Variants in CACNA1C observed in about 807,000 individuals in gnomAD.
The protein encoded by CACNA1C is voltage-dependent L-type calcium channel subunit alpha-1C.
A neutral mutation model predicts 229.0 loss-of-function variants in CACNA1C; 30 were observed. The observed-to-expected ratio is 0.13, with a 90% CI of 0.10 to 0.18. CACNA1C has a LOEUF of 0.18. CACNA1C is among the 10% of genes least tolerant of loss of function. The pLI, the probability that CACNA1C is intolerant of heterozygous loss-of-function variation, is 1.00. For synonymous variants in CACNA1C, 1,114 were observed against 1,132.5 expected, an observed-to-expected ratio of 0.98 and a Z score of 0.33; for missense variants, 1,658 against 2,845.0, an observed-to-expected ratio of 0.58 and a Z score of 9.49.
intron 3 of CACNA1C, among the ~76,000 whole-genome samples, chr12:2,412,524 G>A (rs189493689): frequency 6.6e-6 from 1 of 152,370 alleles, no homozygotes; most frequent in Admixed American, 6.5e-5. Flanking sequence ...GGCTCACACT[G>A]TATGCTTTGC....
intron 1 of CACNA1C, among the ~76,000 whole-genome samples, chr12:2,040,377 A>G (rs2049879775): frequency 6.6e-6 from 1 of 152,096 alleles, no homozygotes; most frequent in Non-Finnish European, 1.5e-5. Context: ...TGATCTAACT[A>G]CCTCCCCTAT....
chr12:1,990,651 T>G (rs150501551), intron 1 of CACNA1C, among the ~76,000 whole-genome samples: 1 of 152,092 alleles, frequency 6.6e-6, no homozygotes, highest in East Asian at 1.9e-4. Context: ...CATAAGCCAA[T>G]GTGAAATGCA....
chr12:2,091,541 T>C (rs1437069451), intron 1 of CACNA1C, among the ~76,000 whole-genome samples: 1 of 152,178 alleles, frequency 6.6e-6, no homozygotes. Context: ...AAGAGAACAA[T>C]GTAGCATCTT....
intron 34 of CACNA1C, among the ~76,000 whole-genome samples, chr12:2,663,948 G>GCC (rs543620869): frequency 6.6e-6 from 1 of 151,668 alleles, no homozygotes; most frequent in Non-Finnish European, 1.5e-5. Context: ...CACCATGTTA[G>GCC]CCAGGATGGT....
At chr12:2,070,744 G>A (rs1159006764) in intron 1 of CACNA1C, among the ~76,000 whole-genome samples, 1 of 152,146 alleles carries the variant, frequency 6.6e-6, no homozygotes, top group Non-Finnish European at 1.5e-5. Context: ...ATATATTGCT[G>A]GGAGTTGGTG....
chr12:2,004,510 C>A, intron 1 of CACNA1C: 1 of 1,512,778 alleles, frequency 6.6e-7, no homozygotes, highest in South Asian at 1.3e-5. Flanking sequence ...AGCTGCCTCG[C>A]AACCGAGAAC....
At chr12:2,146,792 A>G (rs1313586256) in intron 3 of CACNA1C, among the ~76,000 whole-genome samples, 1 of 151,074 alleles carries the variant, frequency 6.6e-6, no homozygotes, top group Non-Finnish European at 1.5e-5. Flanking sequence ...TTTCTGCAGA[A>G]TGGGTTTGTT....
chr12:2,257,777 T>C (rs1446829540), intron 3 of CACNA1C, among the ~76,000 whole-genome samples: 2 of 152,166 alleles, frequency 1.3e-5, no homozygotes, highest in Non-Finnish European at 2.9e-5. Context: ...CTCTCTAGTC[T>C]TCAGAATGTT....
chr12:2,273,183 G>A (rs1327257534), intron 3 of CACNA1C, among the ~76,000 whole-genome samples: 1 of 152,138 alleles, frequency 6.6e-6, no homozygotes, highest in Non-Finnish European at 1.5e-5. Context: ...TATAACCTAT[G>A]CACATCCTCT....
intron 9 of CACNA1C, among the ~76,000 whole-genome samples, chr12:2,548,199 AACCATCCCTAAGGGCTGGTCTC>A (rs1314316562): frequency 1.3e-5 from 2 of 152,178 alleles, no homozygotes; most frequent in African/African-American, 2.4e-5. Flanking sequence ...TCTGAGCTAA[AACCATCCCTAAGGGCTGGTCTC>A]ACCAGCCCCT....
At chr12:2,044,012 G>A (rs1021196587) in intron 1 of CACNA1C, among the ~76,000 whole-genome samples, 10 of 152,156 alleles carry the variant, frequency 6.6e-5, no homozygotes, top group Non-Finnish European at 1.0e-4. Flanking sequence ...GGTGGCATTG[G>A]TCAATTGGTC....
rs372495864 is a variant in CACNA1C at position 2,605,100 on chromosome 12, G to A, written c.2980G>A (p.Val994Met). Residue 994 changes from valine (V) to methionine (M), a missense_variant, in exon 23 of 47, where the codon GTG becomes ATG. Physicochemically the swap from Val to Met is conservative, Grantham distance 21. Transcript: ENST00000399655. The surrounding 1 kb of genome is among the most constrained non-coding windows in gnomAD (Gnocchi z 6.2). ...TCCCAGGTCCAGTGCAATCAATGTC[G>A]TGAAGATCTTGCGAGTCCTGCGAGT... ...FGIQSSAINV[V>M]KILRVLRVLR... is the part of the protein sequence containing the mutation. 4 of 1,613,618 alleles carry A rather than the reference G, an allele frequency of 2.5e-6. No individual in the cohort carries two copies. Among genetic ancestry groups the A allele is most frequent in the Admixed American group, 1.7e-5 (1 of 60,008 alleles).
At chr12:2,582,355 G>A (rs1189140636) in intron 14 of CACNA1C, among the ~76,000 whole-genome samples, 1 of 152,150 alleles carries the variant, frequency 6.6e-6, no homozygotes, top group African/African-American at 2.4e-5. Flanking sequence ...ACTCAAAGTG[G>A]CATCTATTTA....
In CACNA1C at chr12:2,369,545, C is replaced by T. The variant is rs139755686; in HGVS notation, c.478-79431C>T. Among the ~76,000 whole-genome samples the T allele has an allele frequency of 1.9e-3, 291 of 152,078 alleles. 2 individuals are homozygous for T. Among genetic ancestry groups the T allele is most frequent in the African/African-American group, 6.8e-3 (284 of 41,470 alleles). On this transcript the variant is annotated intron_variant, in intron 3 of 46. Transcript: ENST00000399655. ...TTCCGAGTTGCTGGGATTACAGGCACATGCCACTGCAACCAGCTAATTTTT... is the reference window on the plus strand; with the variant it reads ...TTCCGAGTTGCTGGGATTACAGGCATATGCCACTGCAACCAGCTAATTTTT...
intron 3 of CACNA1C, among the ~76,000 whole-genome samples, chr12:2,397,433 C>A (rs2098603362): frequency 6.6e-6 from 1 of 152,208 alleles, no homozygotes; most frequent in Non-Finnish European, 1.5e-5. Context: ...TATTCAGAGC[C>A]CCCAGGAGCT....
chr12:2,663,824 CT>C (rs2095905722), intron 34 of CACNA1C, among the ~76,000 whole-genome samples: 1 of 141,558 alleles, frequency 7.1e-6, no homozygotes, highest in Admixed American at 7.2e-5. Context: ...TCACTGCAAA[CT>C]CCGCCTCCCG....
In CACNA1C at chr12:2,575,609, A is replaced by G. The variant is rs979557788; in HGVS notation, c.1896-5981A>G. 6.6e-6 allele frequency among the ~76,000 whole-genome samples: 1 copy of G among 152,104 alleles called. No homozygotes were observed. The highest frequency in any genetic ancestry group is 1.5e-5 in the Non-Finnish European group (1 of 68,022). On this transcript the variant is annotated intron_variant, in intron 13 of 46. Coordinates refer to ENST00000399655, the MANE Select transcript of CACNA1C (RefSeq NM_000719.7). The surrounding 1 kb of genome is among the most constrained non-coding windows in gnomAD (Gnocchi z 4.0). ...GGACTGCTTTATAACTGCTCTTTTA[A>G]CAATAGATCACTTGCCACCGAAACT...
At chr12:2,591,215 A>G (rs1188218629) in intron 18 of CACNA1C, among the ~76,000 whole-genome samples, 2 of 150,036 alleles carry the variant, frequency 1.3e-5, no homozygotes, top group South Asian at 4.2e-4. Context: ...TGTGCCAGGC[A>G]TTTTTTTTTT....
chr12:2,019,600 GGAAA>G (rs1341475938), intron 1 of CACNA1C, among the ~76,000 whole-genome samples: 2 of 128,728 alleles, frequency 1.6e-5, no homozygotes, highest in East Asian at 4.9e-4. Context: ...AGAAAGAGAA[GGAAA>G]GAAAGAAGAA....
Sources: allele counts gnomAD v4.1 joint callset (sites outside exome capture counted in the v4.1 genomes callset), GRCh38; gene constraint gnomAD v4.1.1; non-coding constraint Gnocchi (gnomAD v3.1); transcripts MANE v1.5; gene names NCBI Gene and HGNC (gene_info 2026-07-23, HGNC 2026-07-21).